The following R3HDM1 variants were observed in gnomAD, a reference collection of about 807,000 sequenced individuals.
R3HDM1 encodes R3H domain-containing protein 1.
R3HDM1 carries 46 observed loss-of-function variants against 141.1 expected under a neutral mutation model. The observed-to-expected ratio is 0.33, with a 90% CI of 0.26 to 0.42. R3HDM1 has a LOEUF of 0.42. Among genes scored for constraint, R3HDM1 ranks in the 10% least tolerant of loss-of-function variants. R3HDM1 has a pLI of 1.00. For synonymous variants in R3HDM1, 435 were observed against 472.9 expected (o/e 0.92, Z 1.04); for missense variants, 1,184 against 1,368.3 (o/e 0.87, Z 2.12).
chr2:135,589,341 T>C (rs764607964), intron 1 of R3HDM1, among the ~76,000 whole-genome samples: 1 of 152,202 alleles, frequency 6.6e-6, no homozygotes, highest in Non-Finnish European at 1.5e-5. Context: ...TCTGAAATTA[T>C]GTAGCATTCC....
chr2:135,537,898 T>G (rs1696585017), intron 1 of R3HDM1, among the ~76,000 whole-genome samples: 1 of 152,146 alleles, frequency 6.6e-6, no homozygotes, highest in South Asian at 2.1e-4. Context: ...TGTTTTTTAC[T>G]GGGAACAACC....
intron 3 of R3HDM1, chr2:135,606,388 C>T (rs1003943163): frequency 9.2e-5 from 14 of 152,062 alleles, no homozygotes; most frequent in African/African-American, 3.4e-4. Flanking sequence ...GTCAATAAAG[C>T]CAGGCCAGAG....
At chr2:135,673,432 T>A (rs1423995582) in intron 19 of R3HDM1, among the ~76,000 whole-genome samples, 1 of 152,208 alleles carries the variant, frequency 6.6e-6, no homozygotes, top group Non-Finnish European at 1.5e-5. Context: ...GGGTGGAAAT[T>A]TGTCATTGTA....
At chr2:135,595,126 A>G (rs1710331337) in intron 1 of R3HDM1, among the ~76,000 whole-genome samples, 1 of 152,202 alleles carries the variant, frequency 6.6e-6, no homozygotes, top group African/African-American at 2.4e-5. Flanking sequence ...ATTTTCTGTT[A>G]GATTTCTCCA....
At chr2:135,654,200 T>G (rs897055888) in intron 18 of R3HDM1, among the ~76,000 whole-genome samples, 18 of 152,042 alleles carry the variant, frequency 1.2e-4, no homozygotes, top group African/African-American at 3.9e-4. Context: ...TTCTGAATAC[T>G]TCATATTAAT....
rs749808783 is a variant in R3HDM1, at chr2:135,661,290, T to C, written c.2049T>C (p.Ala683=). The stretch of plus-strand genomic sequence containing the variant: ...CCTAGATGCCAGCCTGTTATTGCGC[T>C]CCAGGCCACTATCACTCCAGCCAAC... ...PSPQMPACYC[A]PGHYHSSQPQ... The change falls in exon 19 of 27, where the codon GCT becomes GCC. Residue 683 remains alanine, a synonymous_variant. Coordinates refer to ENST00000683871, the MANE Select transcript of R3HDM1 (RefSeq NM_001378107.1). 1.2e-6 allele frequency: 2 copies of C among 1,614,096 alleles called. No individual in the cohort carries two copies. The highest frequency in any genetic ancestry group is 2.2e-5 in the East Asian group (1 of 44,882).
intron 24 of R3HDM1, among the ~76,000 whole-genome samples, chr2:135,717,743 G>A (rs1575242766): frequency 6.6e-6 from 1 of 152,290 alleles, no homozygotes; most frequent in African/African-American, 2.4e-5. Flanking sequence ...ACACATTGGC[G>A]GTAAGAGTGT....
intron 1 of R3HDM1, among the ~76,000 whole-genome samples, chr2:135,570,800 C>G (rs1169046660): frequency 6.6e-6 from 1 of 152,158 alleles, no homozygotes; most frequent in Non-Finnish European, 1.5e-5. Context: ...TTTATTGTTC[C>G]AGGTCCTTTG....
chr2:135,664,355 T>G (rs927163289), intron 19 of R3HDM1, among the ~76,000 whole-genome samples: 4 of 150,338 alleles, frequency 2.7e-5, no homozygotes, highest in Admixed American at 2.7e-4. Context: ...AAGAAGCATG[T>G]TTTTTTTTAA....
intron 9 of R3HDM1, among the ~76,000 whole-genome samples, chr2:135,634,172 T>A (rs1663356145): frequency 6.6e-6 from 1 of 152,196 alleles, no homozygotes; most frequent in South Asian, 2.1e-4. Flanking sequence ...ACTTCTTACA[T>A]ATATTTATGT....
intron 1 of R3HDM1, chr2:135,568,706 A>G (rs1221486723): frequency 6.6e-6 from 1 of 152,222 alleles, no homozygotes; most frequent in Non-Finnish European, 1.5e-5. Context: ...AAGTTTAACA[A>G]TACTTTTTTA....
At chr2:135,624,653 A>G (rs1363579257) in intron 7 of R3HDM1, among the ~76,000 whole-genome samples, 1 of 152,224 alleles carries the variant, frequency 6.6e-6, no homozygotes, top group Non-Finnish European at 1.5e-5. Flanking sequence ...AATACTGACT[A>G]TGGCATGCCA....
intron 9 of R3HDM1, among the ~76,000 whole-genome samples, chr2:135,635,308 A>G (rs2063151046): frequency 6.6e-6 from 1 of 152,220 alleles, no homozygotes. Flanking sequence ...TCCTTGTCCC[A>G]GCATTTTTTC....
intron 18 of R3HDM1, chr2:135,656,443 T>C (rs2065902243): frequency 6.6e-6 from 1 of 152,044 alleles, no homozygotes; most frequent in South Asian, 2.1e-4. Context: ...TATTCTACTT[T>C]CCTGCATTTT....
At chr2:135,563,965 AG>A (rs1309558931) in intron 1 of R3HDM1, among the ~76,000 whole-genome samples, 11 of 152,164 alleles carry the variant, frequency 7.2e-5, no homozygotes. Context: ...ACATGGTGAG[AG>A]CAGGAGCAAG....
chr2:135,691,012 G>T lies in R3HDM1; in HGVS notation c.2459+10688G>T, dbSNP rs116767374. ...TGGTGCTTCCTCAGCCTCTCAATGA[G>T]TTTCTGTTTTTGAAAAATACTTCTC... On this transcript the variant is annotated intron_variant, in intron 21 of 26. Coordinates refer to ENST00000683871, the MANE Select transcript of R3HDM1 (RefSeq NM_001378107.1). Among the ~76,000 whole-genome samples, 830 of 152,242 alleles carry T rather than the reference G, an allele frequency of 5.5e-3. 8 individuals carry two copies. Among genetic ancestry groups the T allele is most frequent in the African/African-American group, 0.019 (797 of 41,532 alleles).
chr2:135,621,669 T>A, intron 6 of R3HDM1, 61 bp downstream of exon 6: 1 of 1,433,894 alleles, frequency 7.0e-7, no homozygotes, highest in South Asian at 1.5e-5. Flanking sequence ...TCCATCCTTT[T>A]CCCCTTGAAT....
chr2:135,550,512 A>AT (rs1239888674), intron 1 of R3HDM1, among the ~76,000 whole-genome samples: 2 of 152,002 alleles, frequency 1.3e-5, no homozygotes, highest in East Asian at 3.9e-4. Context: ...TTCTCATGTC[A>AT]TTTTTTTCTT....
At chr2:135,579,595 C>CGGGGGGTGGGGG (rs1706289163) in intron 1 of R3HDM1, among the ~76,000 whole-genome samples, 2 of 86,790 alleles carry the variant, frequency 2.3e-5, no homozygotes, top group African/African-American at 1.2e-4. Flanking sequence ...TATGGGGTGG[C>CGGGGGGTGGGGG]GGGGGGGGGT....
Sources: allele counts gnomAD v4.1 joint callset (sites outside exome capture counted in the v4.1 genomes callset), GRCh38; gene constraint gnomAD v4.1.1; transcripts MANE v1.5; gene names NCBI Gene and HGNC (gene_info 2026-07-23, HGNC 2026-07-21).